The following IL20RA variants were observed in gnomAD, a reference collection of about 807,000 sequenced individuals.
IL20RA encodes the protein interleukin 20 receptor subunit alpha.
A neutral mutation model predicts 36.5 loss-of-function variants in IL20RA; 29 were observed. That is an observed-to-expected ratio of 0.79 (90% CI 0.59 to 1.08). The LOEUF is 1.08. Ranked by LOEUF, IL20RA falls within the 50% of genes least tolerant of loss-of-function variation. The pLI is 0.00. For missense variants in IL20RA, 652 were observed against 668.4 expected (o/e 0.98, Z 0.27); for synonymous variants, 279 against 267.1 (o/e 1.04, Z -0.43).
intron 1 of IL20RA, among the ~76,000 whole-genome samples, 183 bp from the exon 2 acceptor site, chr6:137,017,286 T>C (rs533080257): frequency 1.1e-4 from 17 of 152,332 alleles, no homozygotes; most frequent in Non-Finnish European, 1.8e-4. Context: ...CCAGGACTTT[T>C]GCTTTTCAAA....
chr6:137,031,621 G>A (rs1776286298), intron 1 of IL20RA, among the ~76,000 whole-genome samples: 2 of 152,154 alleles, frequency 1.3e-5, no homozygotes, highest in African/African-American at 4.8e-5. Flanking sequence ...ATTCTATGAT[G>A]TTTGCACAAG....
Position 137,001,231 on chromosome 6 carries a change from T to C in IL20RA, c.*327A>G, listed in dbSNP as rs1213806785. 9.7e-6 allele frequency: 2 copies of C among 205,400 alleles called. No individual in the cohort carries two copies. Among genetic ancestry groups the C allele is most frequent in the Admixed American group, 1.1e-4 (2 of 18,338 alleles). The allele number at this position is 205,400 out of a possible 1,614,324, so 12.7% of individuals were successfully genotyped here. A position where few individuals can be genotyped will look rare whatever the true frequency, so the allele number is the denominator to read the frequency against. ...CCAGAAAATAATTGTACAAGTGTGC[T>C]TGTTTGAAAATAATGAACCAAGAGG... On this transcript the variant is annotated 3_prime_UTR_variant, in exon 7 of 7. Transcript: ENST00000316649.
intron 1 of IL20RA, among the ~76,000 whole-genome samples, chr6:137,020,094 G>C (rs1242137656): frequency 6.6e-6 from 1 of 152,202 alleles, no homozygotes; most frequent in Non-Finnish European, 1.5e-5. Context: ...TCTTTGTCTT[G>C]GATCATTTGC....
chr6:137,019,161 C>G (rs1195934036), intron 1 of IL20RA, among the ~76,000 whole-genome samples: 3 of 149,848 alleles, frequency 2.0e-5, no homozygotes, highest in African/African-American at 7.3e-5. Context: ...GAGTCTCACT[C>G]TGTTGCCCAT....
chr6:137,007,355 T>C (rs1775315248), intron 5 of IL20RA, among the ~76,000 whole-genome samples: 1 of 152,214 alleles, frequency 6.6e-6, no homozygotes, highest in East Asian at 1.9e-4. Context: ...GTTCCCTTTC[T>C]TTACTTTCGG....
chr6:137,010,680 G>A (rs1775461069), intron 3 of IL20RA, among the ~76,000 whole-genome samples: 1 of 152,052 alleles, frequency 6.6e-6, no homozygotes, highest in African/African-American at 2.4e-5. Context: ...CTTAATTCTG[G>A]GTTACACTTG....
chr6:137,009,708 C>T (rs1250872205), intron 3 of IL20RA, among the ~76,000 whole-genome samples: 3 of 146,450 alleles, frequency 2.0e-5, no homozygotes, highest in Admixed American at 7.0e-5. Flanking sequence ...TGGGTTCAAG[C>T]GATTCTCCTG....
At chr6:137,035,291 G>A (rs538190100) in intron 1 of IL20RA, among the ~76,000 whole-genome samples, 1 of 152,180 alleles carries the variant, frequency 6.6e-6, no homozygotes, top group South Asian at 2.1e-4. Context: ...TTATCCTTGA[G>A]TAAGGAGAAT....
chr6:137,009,484 C>A lies in IL20RA; in HGVS notation c.412G>T (p.Gly138Cys). Residue 138 changes from glycine (G) to cysteine (C), a missense_variant, in exon 4 of 7, where the codon GGC (glycine) becomes TGC (cysteine). Transcript: ENST00000316649. ...RFYPFLETQI[G>C]PPEVALTTDE... is the part of the protein sequence containing the mutation. The stretch of plus-strand genomic sequence containing the variant: ...GTAGTCAGTGCCACCTCTGGTGGGC[C>A]AATTTGTGCTTAAAGGGGGAGAAAG... 1 of 1,606,070 alleles carries A rather than the reference C, an allele frequency of 6.2e-7. No homozygotes were observed. The highest frequency in any genetic ancestry group is 8.5e-7 in the Non-Finnish European group (1 of 1,173,240).
chr6:137,013,616 C>T (rs1287057711), intron 2 of IL20RA, among the ~76,000 whole-genome samples: 1 of 152,148 alleles, frequency 6.6e-6, no homozygotes, highest in Non-Finnish European at 1.5e-5. Flanking sequence ...TTCCCTGACG[C>T]CAAAACTTCT....
In IL20RA at chr6:137,014,288, A is replaced by T. The variant is rs374621124; in HGVS notation, c.224+2680T>A. Among the ~76,000 whole-genome samples, 7 of 152,340 alleles carry T rather than the reference A, an allele frequency of 4.6e-5. No individual in the cohort carries two copies. The East Asian group carries it at 1.3e-3, about 29-fold the overall frequency. On this transcript the variant is annotated intron_variant, in intron 2 of 6. Coordinates refer to ENST00000316649, the MANE Select transcript of IL20RA (RefSeq NM_014432.4). ...TTTTTTTAATTCAAACAATCAAACA[A>T]TTCAGAAAGTATAATCAAAAGAGAA...
chr6:137,020,367 A>G (rs986450967), intron 1 of IL20RA, among the ~76,000 whole-genome samples: 3 of 152,224 alleles, frequency 2.0e-5, no homozygotes, highest in African/African-American at 7.2e-5. Flanking sequence ...CCCTCAAAAA[A>G]TATGTGAGAT....
At chr6:137,023,377 A>C (rs1768260985) in intron 1 of IL20RA, among the ~76,000 whole-genome samples, 1 of 152,208 alleles carries the variant, frequency 6.6e-6, no homozygotes, top group East Asian at 1.9e-4. Context: ...TAAGGAGTAC[A>C]AAGGAGCTAG....
In IL20RA at chr6:137,044,026, G is replaced by A. The variant is rs1278211293; in HGVS notation, c.88+615C>T. Reference sequence around the variant, plus strand: ...TTTGTTATTTCTGAAAAATCAAAGAGCACTATCTGTACATGGTCATAACTG... The same window carrying A: ...TTTGTTATTTCTGAAAAATCAAAGAACACTATCTGTACATGGTCATAACTG... On this transcript the variant is annotated intron_variant, in intron 1 of 6. Transcript: ENST00000316649. 11 of 785,106 alleles carry A rather than the reference G, an allele frequency of 1.4e-5. No individual in the cohort carries two copies. The African/African-American group carries it at 2.1e-4, about 15-fold the overall frequency. 48.6% of individuals were successfully genotyped at this position (785,106 alleles called of 1,614,324 possible). A position where few individuals can be genotyped will look rare whatever the true frequency, so the allele number is the denominator to read the frequency against.
At chr6:137,019,747 A>G (rs1166421260) in intron 1 of IL20RA, among the ~76,000 whole-genome samples, 1 of 152,250 alleles carries the variant, frequency 6.6e-6, no homozygotes, top group Non-Finnish European at 1.5e-5. Context: ...TGGTAATGAT[A>G]TTAAACCAAC....
chr6:137,004,159 C>CGTG (rs531501235), intron 6 of IL20RA, among the ~76,000 whole-genome samples: 976 of 88,002 alleles, frequency 0.011, 46 homozygotes, highest in African/African-American at 0.05. Context: ...ATCCAGAAAG[C>CGTG]TTTTTTTTTT....
At chr6:137,027,253 A>G (rs566396799) in intron 1 of IL20RA, among the ~76,000 whole-genome samples, 39 of 152,216 alleles carry the variant, frequency 2.6e-4, no homozygotes, top group African/African-American at 9.4e-4. Context: ...AAGCTGCACA[A>G]CTGTCGTCTA....
chr6:137,018,549 T>TGTGTGTGTG (rs1554213674), intron 1 of IL20RA, among the ~76,000 whole-genome samples: 3 of 148,856 alleles, frequency 2.0e-5, no homozygotes, highest in South Asian at 2.2e-4. Flanking sequence ...TGTGTGTGTG[T>TGTGTGTGTG]TAGGGGTAGG....
chr6:137,031,526 G>T (rs140822392), intron 1 of IL20RA, among the ~76,000 whole-genome samples: 2 of 152,366 alleles, frequency 1.3e-5, no homozygotes, highest in Non-Finnish European at 2.9e-5. Context: ...ATGCAGTACA[G>T]GTTGGTAGCC....
Sources: gnomAD v4.1 joint callset for allele counts (sites outside exome capture counted in the v4.1 genomes callset) on GRCh38, gnomAD v4.1.1 for gene constraint, MANE v1.5 for transcripts, NCBI Gene and HGNC (gene_info 2026-07-23, HGNC 2026-07-21) for gene names.